NOD1: variants seen among roughly 807,000 people sequenced by gnomAD.
NOD1 encodes nucleotide-binding oligomerization domain-containing protein 1.
A neutral mutation model predicts 81.2 loss-of-function variants in NOD1; 70 were observed. The ratio of observed to expected loss-of-function variants is 0.86; its 90% CI spans 0.71 to 1.05. The LOEUF is 1.05. NOD1 is among the 50% of genes least tolerant of loss of function. NOD1 has a pLI of 0.00. For missense variants in NOD1, 1,233 were observed against 1,228.0 expected, an observed-to-expected ratio of 1.00 and a Z score of -0.06; for synonymous variants, 508 against 526.9, an observed-to-expected ratio of 0.96 and a Z score of 0.49.
intron 12 of NOD1, among the ~76,000 whole-genome samples, chr7:30,432,536 G>C (rs1784037506): frequency 6.6e-6 from 1 of 152,170 alleles, no homozygotes; most frequent in African/African-American, 2.4e-5. Flanking sequence ...CAGTTTGGTG[G>C]CTCCTCAAAA....
intron 4 of NOD1, 114 bp downstream of exon 4, chr7:30,456,607 C>G (rs1223067556): frequency 5.8e-6 from 5 of 864,456 alleles, no homozygotes; most frequent in Non-Finnish European, 9.4e-6. Flanking sequence ...CCCCAAAATG[C>G]AGCCCTGCCC....
At chr7:30,433,822 A>AG (rs1321204849) in intron 11 of NOD1, among the ~76,000 whole-genome samples, 2 of 152,132 alleles carry the variant, frequency 1.3e-5, no homozygotes, top group African/African-American at 4.8e-5. Flanking sequence ...AAAAAAAAAA[A>AG]TTCCTTGAAG....
chr7:30,466,611 G>A (rs551449382), intron 1 of NOD1, among the ~76,000 whole-genome samples: 1 of 152,250 alleles, frequency 6.6e-6, no homozygotes, highest in African/African-American at 2.4e-5. Flanking sequence ...AGGCTACAGT[G>A]AGCTATGATC....
At chr7:30,435,645 T>A (rs1224320479) in intron 11 of NOD1, among the ~76,000 whole-genome samples, 1 of 152,118 alleles carries the variant, frequency 6.6e-6, no homozygotes, top group Non-Finnish European at 1.5e-5. Context: ...CTGGGATAAT[T>A]CCTGGGACCT....
At position 30,467,417 on chromosome 7, in the gene NOD1, C is replaced by T. The variant is rs1186819007; in HGVS notation, c.-351-7376G>A. Among the ~76,000 whole-genome samples, 1 of 152,074 alleles carries T rather than the reference C, an allele frequency of 6.6e-6. No homozygotes were observed. Among genetic ancestry groups the T allele is most frequent in the Non-Finnish European group, 1.5e-5 (1 of 68,020 alleles). On this transcript the variant is annotated intron_variant, in intron 1 of 13. Transcript: ENST00000222823. The surrounding 1 kb of genome is among the most constrained non-coding windows in gnomAD (Gnocchi z 4.5). ...TAGGGCCTTTTCCTCATTAGGGCAT[C>T]TCAGGACATCTTGAGGCAGGCCAGC...
At chr7:30,459,300 A>C (rs1478694974) in intron 2 of NOD1, 60 bp from the exon 3 acceptor site, 1 of 152,670 alleles carries the variant, frequency 6.6e-6, no homozygotes, top group Non-Finnish European at 1.5e-5. Context: ...TGAATGAATA[A>C]AATTGGCAAG....
chr7:30,432,486 T>C (rs1784033315), intron 12 of NOD1, among the ~76,000 whole-genome samples: 1 of 152,204 alleles, frequency 6.6e-6, no homozygotes, highest in African/African-American at 2.4e-5. Context: ...CCACATACAT[T>C]GCTGGCGAGA....
chr7:30,476,930 G>T (rs1788838827), intron 1 of NOD1, among the ~76,000 whole-genome samples: 1 of 152,208 alleles, frequency 6.6e-6, no homozygotes, highest in African/African-American at 2.4e-5. Context: ...GGCACAAACT[G>T]CCACTCCAGT....
Position 30,446,222 on chromosome 7 carries a change from A to G in NOD1, c.2372T>C (p.Leu791Pro), listed in dbSNP as rs936763785. 6.2e-7 allele frequency: 1 copy of G among 1,613,310 alleles called. No homozygotes were observed. The highest frequency in any genetic ancestry group is 8.5e-7 in the Non-Finnish European group (1 of 1,179,418). Residue 791 changes from leucine (L) to proline (P), a missense_variant and splice_region_variant, in exon 9 of 14, where the codon CTG (leucine) becomes CCG (proline). Transcript: ENST00000222823. Reference sequence around the variant, plus strand: ...TTCACTTGTTATTTTGTTTTTTCCCAGTCTGCAGAGAGAGTCACACACAGT... The same window carrying G: ...TTCACTTGTTATTTTGTTTTTTCCCGGTCTGCAGAGAGAGTCACACACAGT... ...DECKGLTHLK[L>P]GKNKITSEGG...
At chr7:30,446,945 A>G in intron 8 of NOD1, 22 bp downstream of exon 8, 2 of 1,595,748 alleles carry the variant, frequency 1.3e-6, no homozygotes, top group Non-Finnish European at 8.6e-7. Flanking sequence ...ATACTAAGGA[A>G]CCTGGTGCCT....
chr7:30,470,568 A>G (rs549401691), intron 1 of NOD1, among the ~76,000 whole-genome samples: 11 of 152,254 alleles, frequency 7.2e-5, no homozygotes, highest in Non-Finnish European at 1.3e-4. Flanking sequence ...AATAAATTCA[A>G]CTTTCCATCA....
At chr7:30,454,432 AC>A (rs1267572617) in intron 5 of NOD1, among the ~76,000 whole-genome samples, 1 of 152,156 alleles carries the variant, frequency 6.6e-6, no homozygotes, top group Admixed American at 6.5e-5. Context: ...GAGGGCAGGA[AC>A]CCTGTCTGTG....
At chr7:30,429,936 G>A (rs1349985129) in intron 12 of NOD1, among the ~76,000 whole-genome samples, 1 of 152,226 alleles carries the variant, frequency 6.6e-6, no homozygotes, top group African/African-American at 2.4e-5. Flanking sequence ...TAGGAGAATT[G>A]CTTGAACTGG....
intron 13 of NOD1, among the ~76,000 whole-genome samples, chr7:30,428,897 G>C (rs1562650113): frequency 6.6e-6 from 1 of 152,164 alleles, no homozygotes; most frequent in African/African-American, 2.4e-5. Flanking sequence ...GCATAAGGAA[G>C]TTCTCAAAGC....
At position 30,425,216 on chromosome 7, in the gene NOD1, C is replaced by G. The variant is rs1783344360; in HGVS notation, c.*422G>C. 1 of 190,450 alleles carries G rather than the reference C, an allele frequency of 5.3e-6. No homozygotes were observed. The highest frequency in any genetic ancestry group is 5.4e-5 in the Admixed American group (1 of 18,546). 11.8% of individuals were successfully genotyped at this position (190,450 alleles called of 1,614,324 possible). ...ACGTTTTATTCAAGAAGCTTGGCAC[C>G]AACTTTGTGCCACATCCTCAACTCT... On this transcript the variant is annotated 3_prime_UTR_variant, in exon 14 of 14. Transcript: ENST00000222823.
rs1242631274 is a variant in NOD1 at position 30,432,582 on chromosome 7, T to TC, written c.2705+513dup. On this transcript the variant is annotated intron_variant, in intron 12 of 13. Coordinates refer to ENST00000222823, the MANE Select transcript of NOD1 (RefSeq NM_006092.4). Reference sequence around the variant, plus strand: ...TTGCCATATGACCCAGAAATTCTATTCCCAGGTATATTCCCAAAAGAGATG... The same window carrying TC: ...TTGCCATATGACCCAGAAATTCTATTCCCCAGGTATATTCCCAAAAGAGATG... 4.6e-5 allele frequency among the ~76,000 whole-genome samples: 7 copies of TC among 152,334 alleles called. No homozygotes were observed. In the South Asian group the frequency reaches 1.4e-3, roughly 32 times the overall value.
At chr7:30,465,844 G>T (rs921401630) in intron 1 of NOD1, among the ~76,000 whole-genome samples, 4 of 152,130 alleles carry the variant, frequency 2.6e-5, no homozygotes, top group African/African-American at 9.7e-5. Context: ...GTGTAGTCAG[G>T]CCATTCTGTA....
chr7:30,454,301 C>A (rs1331955971), intron 5 of NOD1, among the ~76,000 whole-genome samples: 2 of 152,240 alleles, frequency 1.3e-5, no homozygotes, highest in African/African-American at 4.8e-5. Context: ...AAAGAAGACT[C>A]CTGCCCCAGA....
At chr7:30,468,494 A>AAAT (rs1411065804) in intron 1 of NOD1, among the ~76,000 whole-genome samples, 1 of 152,242 alleles carries the variant, frequency 6.6e-6, no homozygotes, top group Non-Finnish European at 1.5e-5. Flanking sequence ...TTTAACCAGA[A>AAAT]AATGCCATCT....
Sources: gnomAD v4.1 joint callset for allele counts (sites outside exome capture counted in the v4.1 genomes callset) on GRCh38, gnomAD v4.1.1 for gene constraint, Gnocchi (gnomAD v3.1) non-coding constraint, MANE v1.5 for transcripts, NCBI Gene and HGNC (gene_info 2026-07-23, HGNC 2026-07-21) for gene names.